Variants in ITPRIP observed in about 807,000 individuals in gnomAD.
ITPRIP encodes inositol 1,4,5-trisphosphate receptor-interacting protein.
A neutral mutation model predicts 35.8 loss-of-function variants in ITPRIP; 32 were observed. The observed-to-expected ratio is 0.89, with a 90% CI of 0.68 to 1.20. The LOEUF is 1.20. Among genes scored for constraint, ITPRIP ranks in the 50% most tolerant of loss-of-function variants. The pLI is 0.00. For synonymous variants in ITPRIP, 358 were observed against 324.0 expected (o/e 1.11, Z -1.13); for missense variants, 653 against 735.6 (o/e 0.89, Z 1.30).
intron 1 of ITPRIP, among the ~76,000 whole-genome samples, chr10:104,335,001 A>G (rs556917261): frequency 1.3e-5 from 2 of 152,336 alleles, no homozygotes; most frequent in South Asian, 4.1e-4. Flanking sequence ...AACCACTCTG[A>G]AAATTATGGA....
chr10:104,315,999 T>G lies in ITPRIP; in HGVS notation c.53A>C (p.Asn18Thr). ...VCLVVVTAII[N>T]HPLLFPRENA... ...CTCCCGCGGGAACAGCAGCGGGTGG[T>G]TGATGATGGCCGTCACCACCACCAG... The change falls in exon 2 of 2, where the codon AAC becomes ACC. Residue 18 changes from asparagine (N) to threonine (T), a missense_variant. Transcript: ENST00000337478. This position sits in a 1 kb window ranked among gnomAD's most constrained non-coding sequence, Gnocchi z 5.7. 1 of 1,610,072 alleles carries G rather than the reference T, an allele frequency of 6.2e-7. No homozygotes were observed. Among genetic ancestry groups the G allele is most frequent in the Non-Finnish European group, 8.5e-7 (1 of 1,178,494 alleles).
Position 104,315,792 on chromosome 10 carries a change from T to C in ITPRIP, c.260A>G (p.Asp87Gly), listed in dbSNP as rs2013659255. Residue 87 changes from aspartate to glycine, a missense_variant, in exon 2 of 2, where the codon GAC becomes GGC. Transcript: ENST00000337478. The surrounding 1 kb of genome is among the most constrained non-coding windows in gnomAD (Gnocchi z 5.7). ...GATCATGCAGAGGGTGCTCCAGAGGTCCCAGGCCACGCGTGTCTCGTTCTG... is the reference window on the plus strand; with the variant it reads ...GATCATGCAGAGGGTGCTCCAGAGGCCCCAGGCCACGCGTGTCTCGTTCTG... ...RQQNETRVAWDLWSTLCMILF... is the reference protein window; with the variant it reads ...RQQNETRVAWGLWSTLCMILF... The C allele has an allele frequency of 1.2e-6, 2 of 1,613,722 alleles. No individual in the cohort carries two copies. Among genetic ancestry groups the C allele is most frequent in the Non-Finnish European group, 1.7e-6 (2 of 1,179,922 alleles).
intron 1 of ITPRIP, 131 bp from the exon 2 acceptor site, chr10:104,316,195 C>T (rs967662169): frequency 1.3e-6 from 1 of 741,692 alleles, no homozygotes; most frequent in Non-Finnish European, 2.1e-6. Context: ...TCGAGAGCTC[C>T]CTGCGGCTGC....
At chr10:104,336,382 C>T (rs1000977825) in intron 1 of ITPRIP, among the ~76,000 whole-genome samples, 1 of 152,018 alleles carries the variant, frequency 6.6e-6, no homozygotes, top group African/African-American at 2.4e-5. Flanking sequence ...TCCATTAAAG[C>T]CCCACAGGCT....
chr10:104,317,304 T>C (rs2013717094), intron 1 of ITPRIP, among the ~76,000 whole-genome samples: 1 of 152,218 alleles, frequency 6.6e-6, no homozygotes, highest in African/African-American at 2.4e-5. Flanking sequence ...AAGCCTCAAG[T>C]GACTTTTGGA....
rs1478325485 is a variant in ITPRIP at position 104,328,649 on chromosome 10, C to T, written c.-14+9597G>A. ...ACTCCCCGCCCCCTTCCACTTTCCC[C>T]CTTTCACTGAGAAACTAGGATGGAT... On this transcript the variant is annotated intron_variant, in intron 1 of 1. Coordinates refer to ENST00000337478, the MANE Select transcript of ITPRIP (RefSeq NM_001272013.2). The surrounding 1 kb of genome is among the most constrained non-coding windows in gnomAD (Gnocchi z 4.1). 2.0e-5 allele frequency among the ~76,000 whole-genome samples: 3 copies of T among 152,082 alleles called. No homozygotes were observed. The highest frequency in any genetic ancestry group is 4.8e-5 in the African/African-American group (2 of 41,392).
Position 104,314,303 on chromosome 10 carries a change from A to C in ITPRIP, c.*105T>G. On this transcript the variant is annotated 3_prime_UTR_variant, in exon 2 of 2. Coordinates refer to ENST00000337478, the MANE Select transcript of ITPRIP (RefSeq NM_001272013.2). ...TGGCAGGCTGAGCACGGCTCCCACG[A>C]AAGCCCGCCTTGTCCCCAGAACAGG... 6.6e-7 allele frequency: 1 copy of C among 1,513,552 alleles called. No individual in the cohort carries two copies. Among genetic ancestry groups the C allele is most frequent in the Non-Finnish European group, 8.8e-7 (1 of 1,133,822 alleles). 93.8% of individuals were successfully genotyped at this position (1,513,552 alleles called of 1,614,324 possible).
Position 104,313,464 on chromosome 10 carries a change from T to TAA in ITPRIP, c.*943_*944insTT. 1.0e-6 allele frequency: 1 copy of TAA among 985,790 alleles called. No homozygotes were observed. 61.1% of individuals were successfully genotyped at this position (985,790 alleles called of 1,614,324 possible). A position where few individuals can be genotyped will look rare whatever the true frequency, so the allele number is the denominator to read the frequency against. On this transcript the variant is annotated 3_prime_UTR_variant, in exon 2 of 2. Transcript: ENST00000337478. Reference sequence around the variant, plus strand: ...CTTGTGGTTGCCAATGAAGAAGTGATAGAGTTTCTTTTCCAGCTGTCCTTT... The same window carrying TAA: ...CTTGTGGTTGCCAATGAAGAAGTGATAAAGAGTTTCTTTTCCAGCTGTCCTTT...
chr10:104,337,495 T>TC (rs2014260511), intron 1 of ITPRIP, among the ~76,000 whole-genome samples: 1 of 152,050 alleles, frequency 6.6e-6, no homozygotes. Context: ...GCTTTTTTTT[T>TC]CTTTTTCTTT....
chr10:104,315,072 T>C lies in ITPRIP; in HGVS notation c.980A>G (p.Gln327Arg). Residue 327 changes from glutamine to arginine, a missense_variant, in exon 2 of 2, where the codon CAG becomes CGG. Gln to Arg is a conservative substitution (Grantham distance 43, BLOSUM62 1). Transcript: ENST00000337478. This position sits in a 1 kb window ranked among gnomAD's most constrained non-coding sequence, Gnocchi z 5.7. Reference sequence around the variant, plus strand: ...CTTCAGGGACCCCGGGCTGTCCAGCTGGCCAAAGGCCAGGTCGAACTCGTA... The same window carrying C: ...CTTCAGGGACCCCGGGCTGTCCAGCCGGCCAAAGGCCAGGTCGAACTCGTA... Reference protein sequence around the residue: ...HKYEFDLAFGQLDSPGSLKIK... With the variant: ...HKYEFDLAFGRLDSPGSLKIK... The C allele has an allele frequency of 6.2e-7, 1 of 1,614,180 alleles. No individual in the cohort carries two copies. The highest frequency in any genetic ancestry group is 8.5e-7 in the Non-Finnish European group (1 of 1,180,030).
chr10:104,336,002 G>A (rs2014226949), intron 1 of ITPRIP, among the ~76,000 whole-genome samples: 1 of 151,982 alleles, frequency 6.6e-6, no homozygotes, highest in Admixed American at 6.5e-5. Context: ...CTGTGTGAAT[G>A]GTGGACCAGG....
At position 104,315,505 on chromosome 10, in the gene ITPRIP, T is replaced by C. The variant is rs2135179252; in HGVS notation, c.547A>G (p.Thr183Ala). The C allele has an allele frequency of 6.2e-7, 1 of 1,614,212 alleles. No homozygotes were observed. Reference sequence around the variant, plus strand: ...ATGAAGTCCTCCACCTCCATGTCGGTGTCCCGGTTGCAGAGGCTCCTCAGG... The same window carrying C: ...ATGAAGTCCTCCACCTCCATGTCGGCGTCCCGGTTGCAGAGGCTCCTCAGG... ...EALRSLCNRD[T>A]DMEVEDFIGV... Residue 183 changes from threonine (T) to alanine (A), a missense_variant, in exon 2 of 2, where the codon ACC (threonine) becomes GCC (alanine). Thr to Ala is a moderately conservative substitution (Grantham distance 58). Coordinates refer to ENST00000337478, the MANE Select transcript of ITPRIP (RefSeq NM_001272013.2). The surrounding 1 kb of genome is among the most constrained non-coding windows in gnomAD (Gnocchi z 5.7).
At chr10:104,327,568 C>A (rs995651863) in intron 1 of ITPRIP, among the ~76,000 whole-genome samples, 1 of 152,146 alleles carries the variant, frequency 6.6e-6, no homozygotes, top group Non-Finnish European at 1.5e-5. Context: ...TCCAAGGAGC[C>A]TTCCAGGATC....
In ITPRIP at chr10:104,317,570, C is replaced by T. The variant is rs189401770; in HGVS notation, c.-13-1506G>A. ...ATCTGCTATTTCCACACTTGAACTACCCCCCTCCTTGCTTGGGACCTCGAT... is the reference window on the plus strand; with the variant it reads ...ATCTGCTATTTCCACACTTGAACTATCCCCCTCCTTGCTTGGGACCTCGAT... On this transcript the variant is annotated intron_variant, in intron 1 of 1. Transcript: ENST00000337478. Among the ~76,000 whole-genome samples the T allele has an allele frequency of 1.8e-4, 27 of 152,298 alleles. 1 individual carries two copies. Among genetic ancestry groups the T allele is most frequent in the Admixed American group, 1.6e-3 (25 of 15,306 alleles).
In ITPRIP at chr10:104,313,342, T is replaced by C. The variant is rs1269371432; in HGVS notation, c.*1066A>G. 9.1e-6 allele frequency: 9 copies of C among 986,396 alleles called. No homozygotes were observed. The African/African-American group carries it at 1.4e-4, about 15-fold the overall frequency. The allele number at this position is 986,396 out of a possible 1,614,324, so 61.1% of individuals were successfully genotyped here. ...AGCACCTCATCGAAGGAGTCTACTG[T>C]CTTACAGCAGAGACTTCGCTGCAGG... On this transcript the variant is annotated 3_prime_UTR_variant, in exon 2 of 2. Transcript: ENST00000337478.
At position 104,314,064 on chromosome 10, in the gene ITPRIP, G is replaced by T; in HGVS notation, c.*344C>A. 1.9e-6 allele frequency: 2 copies of T among 1,060,868 alleles called. No homozygotes were observed. The highest frequency in any genetic ancestry group is 2.3e-6 in the Non-Finnish European group (2 of 877,012). 65.7% of individuals were successfully genotyped at this position (1,060,868 alleles called of 1,614,324 possible). A position where few individuals can be genotyped will look rare whatever the true frequency, so the allele number is the denominator to read the frequency against. ...ACAGACTGGATCTGGGATTCAAAAA[G>T]AATTACACCCAATCCAACATTTGCA... On this transcript the variant is annotated 3_prime_UTR_variant, in exon 2 of 2. Coordinates refer to ENST00000337478, the MANE Select transcript of ITPRIP (RefSeq NM_001272013.2).
At chr10:104,337,031 C>T (rs1589898372) in intron 1 of ITPRIP, among the ~76,000 whole-genome samples, 2 of 152,144 alleles carry the variant, frequency 1.3e-5, no homozygotes, top group South Asian at 4.1e-4. Context: ...CCAGAGCAGC[C>T]GCAACATACA....
In ITPRIP at chr10:104,328,353, C is replaced by T. The variant is rs2014075520; in HGVS notation, c.-14+9893G>A. On this transcript the variant is annotated intron_variant, in intron 1 of 1. Transcript: ENST00000337478. This position sits in a 1 kb window ranked among gnomAD's most constrained non-coding sequence, Gnocchi z 4.1. ...GGTTTGGAGAGAGCATGAATACCCA[C>T]CTTGGGGCAGGACATGCCAGAGTTC... The T allele has an allele frequency of 1.1e-6, 1 of 932,664 alleles. No homozygotes were observed. Among genetic ancestry groups the T allele is most frequent in the Non-Finnish European group, 1.3e-6 (1 of 782,060 alleles). The allele number at this position is 932,664 out of a possible 1,614,324, so 57.8% of individuals were successfully genotyped here.
Position 104,315,531 on chromosome 10 carries a change from G to C in ITPRIP, c.521C>G (p.Ala174Gly), listed in dbSNP as rs778461193. ...LEGFVDDLLE[A>G]LRSLCNRDTD... is the part of the protein sequence containing the mutation. ...GTCCCGGTTGCAGAGGCTCCTCAGG[G>C]CTTCCAGCAAGTCATCCACGAAGCC... The change falls in exon 2 of 2, where the codon GCC (alanine) becomes GGC (glycine). Residue 174 changes from alanine (A) to glycine (G), a missense_variant. Transcript: ENST00000337478. The surrounding 1 kb of genome is among the most constrained non-coding windows in gnomAD (Gnocchi z 5.7). 2 of 1,614,222 alleles carry C rather than the reference G, an allele frequency of 1.2e-6. No individual in the cohort carries two copies. The highest frequency in any genetic ancestry group is 1.7e-6 in the Non-Finnish European group (2 of 1,180,030).
Sources: gnomAD v4.1 joint callset for allele counts (sites outside exome capture counted in the v4.1 genomes callset) on GRCh38, gnomAD v4.1.1 for gene constraint, Gnocchi (gnomAD v3.1) non-coding constraint, MANE v1.5 for transcripts, NCBI Gene and HGNC (gene_info 2026-07-23, HGNC 2026-07-21) for gene names.